Variants in SH3BGRL2 observed in about 807,000 individuals in gnomAD.
SH3BGRL2 encodes SH3 domain binding glutamate rich protein like 2, also known as SH3 domain-binding glutamic acid-rich-like protein 2.
A neutral mutation model predicts 14.8 loss-of-function variants in SH3BGRL2; 21 were observed. That is an observed-to-expected ratio of 1.42 (90% CI 1.01 to 2.05). The LOEUF (loss-of-function observed/expected upper bound fraction) is 2.05. Ranked by LOEUF, SH3BGRL2 falls within the 30% of genes most tolerant of loss-of-function variation. SH3BGRL2 has a pLI of 0.00. For synonymous variants in SH3BGRL2, 50 were observed against 47.8 expected (o/e 1.05, Z -0.19); for missense variants, 147 against 130.8 (o/e 1.12, Z -0.61).
chr6:79,605,723 T>C, the SH3BGRL2 span, among the ~76,000 whole-genome samples: 1 of 152,230 alleles, frequency 6.6e-6, no homozygotes, highest in Non-Finnish European at 1.5e-5. Flanking sequence ...AGTCAAAATG[T>C]GAGTTTTGCA....
In SH3BGRL2 at chr6:79,699,552, C is replaced by G; in HGVS notation, c.*43C>G. ...TGACGGAGATGCATTTTGAAGCACCCCTGGTACTCAGCACACACATGCTTA... is the reference window on the plus strand; with the variant it reads ...TGACGGAGATGCATTTTGAAGCACCGCTGGTACTCAGCACACACATGCTTA... On this transcript the variant is annotated 3_prime_UTR_variant, in exon 4 of 4. Transcript: ENST00000369838. 1 of 1,548,274 alleles carries G rather than the reference C, an allele frequency of 6.5e-7. No homozygotes were observed. The highest frequency in any genetic ancestry group is 8.7e-7 in the Non-Finnish European group (1 of 1,155,190).
chr6:79,639,524 A>C (rs1395552226), intron 1 of SH3BGRL2, among the ~76,000 whole-genome samples: 1 of 152,104 alleles, frequency 6.6e-6, no homozygotes, highest in Non-Finnish European at 1.5e-5. Context: ...TGGGAGGTCG[A>C]GCCTGCAGTG....
the SH3BGRL2 span, among the ~76,000 whole-genome samples, chr6:79,548,415 T>C: frequency 1.3e-5 from 2 of 152,224 alleles, no homozygotes; most frequent in Non-Finnish European, 2.9e-5. Flanking sequence ...GACAAAGAGA[T>C]TCTGACTACT....
At chr6:79,603,393 G>T in the SH3BGRL2 span, among the ~76,000 whole-genome samples, 6 of 152,196 alleles carry the variant, frequency 3.9e-5, no homozygotes, top group Non-Finnish European at 8.8e-5. Flanking sequence ...TGTCACAGCA[G>T]TTGATATTTG....
At chr6:79,685,905 G>A (rs142037666) in intron 2 of SH3BGRL2, among the ~76,000 whole-genome samples, 2,947 of 152,110 alleles carry the variant, frequency 0.019, 37 homozygotes, top group Middle Eastern at 0.058. Context: ...TAACTTTTCC[G>A]TCTTGTATTT....
chr6:79,563,890 T>C, the SH3BGRL2 span, among the ~76,000 whole-genome samples: 1 of 152,240 alleles, frequency 6.6e-6, no homozygotes, highest in South Asian at 2.1e-4. Flanking sequence ...AATGGGGTTT[T>C]GCCACGACAA....
At chr6:79,659,763 A>T (rs559261350) in intron 1 of SH3BGRL2, among the ~76,000 whole-genome samples, 1 of 152,238 alleles carries the variant, frequency 6.6e-6, no homozygotes, top group Admixed American at 6.5e-5. Context: ...GATTCTTCCT[A>T]TCCATGAGCA....
intron 1 of SH3BGRL2, among the ~76,000 whole-genome samples, chr6:79,646,565 A>G (rs907578704): frequency 2.0e-5 from 3 of 152,254 alleles, no homozygotes; most frequent in Admixed American, 2.0e-4. Flanking sequence ...TTCACATGCC[A>G]TAAAATTAAC....
the SH3BGRL2 span, among the ~76,000 whole-genome samples, chr6:79,603,068 C>T: frequency 1.3e-5 from 2 of 152,140 alleles, no homozygotes; most frequent in African/African-American, 4.8e-5. Context: ...AGCCTAAGTG[C>T]TGTTGCTATG....
intron 1 of SH3BGRL2, among the ~76,000 whole-genome samples, chr6:79,661,051 A>G (rs1036425821): frequency 6.6e-6 from 1 of 152,106 alleles, no homozygotes. Context: ...CTAGCGGTCT[A>G]TCAGTTTTGT....
chr6:79,675,372 TTACTC>T (rs1227005645), intron 2 of SH3BGRL2, among the ~76,000 whole-genome samples: 3 of 152,158 alleles, frequency 2.0e-5, no homozygotes, highest in Admixed American at 6.6e-5. Flanking sequence ...TTTTGTCAGT[TTACTC>T]TATGAAAAAT....
intron 1 of SH3BGRL2, among the ~76,000 whole-genome samples, chr6:79,648,272 ATATATAT>A (rs1562146716): frequency 1.0e-4 from 13 of 129,364 alleles, no homozygotes; most frequent in African/African-American, 3.4e-4. Context: ...ATATATATAT[ATATATAT>A]ATATTTGACA....
intron 1 of SH3BGRL2, among the ~76,000 whole-genome samples, chr6:79,669,535 A>G (rs1769730561): frequency 6.7e-6 from 1 of 149,488 alleles, no homozygotes; most frequent in Admixed American, 6.8e-5. Context: ...GCTTACTGCA[A>G]CCAGGTTCAA....
the SH3BGRL2 span, among the ~76,000 whole-genome samples, chr6:79,584,825 G>T: frequency 6.6e-6 from 1 of 152,094 alleles, no homozygotes; most frequent in East Asian, 1.9e-4. Context: ...TTTTAAGATA[G>T]TTTAGCAGAA....
rs1770421452 is a variant in SH3BGRL2 at position 79,699,977 on chromosome 6, G to A, written c.*468G>A. On this transcript the variant is annotated 3_prime_UTR_variant, in exon 4 of 4. Transcript: ENST00000369838. ...AAAAAGCAGCGCTGGTTGACAAAGG[G>A]TGTTGAAGATTTTTGCTGCAGAATC... 6.4e-6 allele frequency: 1 copy of A among 157,266 alleles called. No individual in the cohort carries two copies. Among genetic ancestry groups the A allele is most frequent in the Admixed American group, 6.5e-5 (1 of 15,420 alleles). 9.7% of individuals were successfully genotyped at this position (157,266 alleles called of 1,614,324 possible).
the SH3BGRL2 span, among the ~76,000 whole-genome samples, chr6:79,615,517 C>T: frequency 0.77 from 117,429 of 152,050 alleles, 45,647 homozygotes; most frequent in East Asian, 0.98. Context: ...AAGCACTTAC[C>T]AGACAAACCT....
At chr6:79,661,711 G>A (rs1462013501) in intron 1 of SH3BGRL2, among the ~76,000 whole-genome samples, 7 of 152,290 alleles carry the variant, frequency 4.6e-5, no homozygotes, top group Middle Eastern at 3.4e-3. Flanking sequence ...TCATTCATCT[G>A]TCTAATTCTG....
intron 3 of SH3BGRL2, 97 bp from the exon 4 acceptor site, chr6:79,699,401 C>G (rs1323545995): frequency 1.5e-6 from 2 of 1,337,060 alleles, no homozygotes; most frequent in Admixed American, 2.4e-5. Context: ...CATCTCTGTT[C>G]CTGACATTTA....
the SH3BGRL2 span, among the ~76,000 whole-genome samples, chr6:79,573,616 T>C: frequency 2.6e-5 from 4 of 152,166 alleles, no homozygotes; most frequent in Non-Finnish European, 5.9e-5. Flanking sequence ...AGTATTTGTA[T>C]CCACATACAT....
Sources: gnomAD v4.1 joint callset for allele counts (sites outside exome capture counted in the v4.1 genomes callset) on GRCh38, gnomAD v4.1.1 for gene constraint, MANE v1.5 for transcripts, NCBI Gene and HGNC (gene_info 2026-07-23, HGNC 2026-07-21) for gene names.